The following ROS1 variants were observed in gnomAD, a reference collection of about 807,000 sequenced individuals.
ROS1 encodes proto-oncogene tyrosine-protein kinase ROS.
Under a neutral mutation model 273.5 loss-of-function variants are expected in ROS1, and 263 were observed. That is an observed-to-expected ratio of 0.96 (90% CI 0.87 to 1.06). The LOEUF is 1.06. Ranked by LOEUF, ROS1 falls within the 50% of genes least tolerant of loss-of-function variation. ROS1 has a pLI of 0.00. For synonymous variants in ROS1, 1,008 were observed against 954.1 expected, an observed-to-expected ratio of 1.06 and a Z score of -1.04; for missense variants, 2,833 against 2,751.1, an observed-to-expected ratio of 1.03 and a Z score of -0.67.
At position 117,420,047 on chromosome 6, in the gene ROS1, CT is replaced by C. The variant is rs1346400374; in HGVS notation, c.124-1542del. ...CAGGCACTCTTATAGGTGTTTTACACTAAATCTCATTGAATCATCTCAGCAA... is the reference window on the plus strand; with the variant it reads ...CAGGCACTCTTATAGGTGTTTTACACAAATCTCATTGAATCATCTCAGCAA... On this transcript the variant is annotated intron_variant, in intron 1 of 43. Coordinates refer to ENST00000368507, the MANE Select transcript of ROS1 (RefSeq NM_001378902.1). 9.9e-5 allele frequency among the ~76,000 whole-genome samples: 15 copies of C among 152,168 alleles called. No individual in the cohort carries two copies. The East Asian group carries it at 2.9e-3, about 29-fold the overall frequency.
chr6:117,306,994 T>C lies in ROS1; in HGVS notation c.6551+1800A>G, dbSNP rs73768038. ...TGGAAAATTTTCATTTCAAATAAAC[T>C]ATATTTTTATTAAAACAATGGCAAT... On this transcript the variant is annotated intron_variant, in intron 42 of 43. Transcript: ENST00000368507. Among the ~76,000 whole-genome samples the C allele has an allele frequency of 4.2e-3, 640 of 152,292 alleles. 3 individuals carry two copies. The highest frequency in any genetic ancestry group is 0.015 in the African/African-American group (613 of 41,566).
At chr6:117,408,647 T>A (rs1212692211) in intron 5 of ROS1, among the ~76,000 whole-genome samples, 5 of 152,162 alleles carry the variant, frequency 3.3e-5, no homozygotes, top group Non-Finnish European at 7.4e-5. Context: ...ATTGTGGAAG[T>A]CAGTGTGGCG....
intron 40 of ROS1, 116 bp from the exon 41 acceptor site, chr6:117,310,397 T>G: frequency 1.4e-6 from 1 of 693,858 alleles, no homozygotes; most frequent in Non-Finnish European, 2.3e-6. Context: ...TTTTTTTTAC[T>G]TTAAGTTCTG....
In ROS1 at chr6:117,359,995, A is replaced by G. The variant is rs765464115; in HGVS notation, c.3447T>C (p.Pro1149=). The change falls in exon 24 of 44, where the codon CCT becomes CCC. Residue 1149 remains proline (P), a synonymous_variant. Coordinates refer to ENST00000368507, the MANE Select transcript of ROS1 (RefSeq NM_001378902.1). Reference sequence around the variant, plus strand: ...TGTTACCAAGAAGAGTTATGAGGTGAGGAAATGGGTTGATTTCTGAAAGCA... The same window carrying G: ...TGTTACCAAGAAGAGTTATGAGGTGGGGAAATGGGTTGATTTCTGAAAGCA... ...KSTTSEINPF[P]HLITLLGNKI... The G allele has an allele frequency of 2.5e-6, 4 of 1,613,416 alleles. No individual in the cohort carries two copies. In the East Asian group the frequency reaches 8.9e-5, roughly 36 times the overall value.
At position 117,341,158 on chromosome 6, in the gene ROS1, T is replaced by C; in HGVS notation, c.5038A>G (p.Arg1680Gly). The C allele has an allele frequency of 6.2e-7, 1 of 1,610,348 alleles. No individual in the cohort carries two copies. ...ACCTTCTGTAGCTCAACCCAAAATC[T>C]GATGAGGTTAACATTCAATGGAGCC... is the stretch of plus-strand genomic sequence containing the variant. ...WKAPLNVNLI[R>G]FWVELQKWKY... The change falls in exon 31 of 44, where the codon AGA (arginine) becomes GGA (glycine). Residue 1680 changes from arginine to glycine, a missense_variant. Arg to Gly is a moderately radical substitution (Grantham distance 125). Coordinates refer to ENST00000368507, the MANE Select transcript of ROS1 (RefSeq NM_001378902.1).
At chr6:117,382,003 T>C (rs1772194420) in intron 17 of ROS1, among the ~76,000 whole-genome samples, 1 of 152,140 alleles carries the variant, frequency 6.6e-6, no homozygotes, top group South Asian at 2.1e-4. Flanking sequence ...GTGAGAGTAC[T>C]CAAACAACCA....
At chr6:117,417,755 G>A (rs1057196246) in intron 2 of ROS1, among the ~76,000 whole-genome samples, 35 of 152,104 alleles carry the variant, frequency 2.3e-4, no homozygotes, top group African/African-American at 8.2e-4. Context: ...TTTGTGTCTT[G>A]ACAAAAAGGG....
At chr6:117,324,516 A>C in intron 34 of ROS1, 101 bp from the exon 35 acceptor site, 1 of 596,744 alleles carries the variant, frequency 1.7e-6, no homozygotes, top group Non-Finnish European at 2.9e-6. Flanking sequence ...GCTAGCTACT[A>C]CTGGATTTTT....
In ROS1 at chr6:117,335,607, C is replaced by T. The variant is rs535652221; in HGVS notation, c.5230+1565G>A. Among the ~76,000 whole-genome samples, 6 of 152,174 alleles carry T rather than the reference C, an allele frequency of 3.9e-5. No individual in the cohort carries two copies. The South Asian group carries it at 1.2e-3, about 32-fold the overall frequency. ...ACCAAGCCAATCCATCAATGACAAA[C>T]CAGATAAAGAAAATGTGGTACATAT... is the stretch of plus-strand genomic sequence containing the variant. On this transcript the variant is annotated intron_variant, in intron 32 of 43. Transcript: ENST00000368507.
At chr6:117,422,149 A>G (rs1264323360) in intron 1 of ROS1, among the ~76,000 whole-genome samples, 1 of 152,100 alleles carries the variant, frequency 6.6e-6, no homozygotes, top group Non-Finnish European at 1.5e-5. Context: ...AGCTGGGACT[A>G]CAGGTGCATG....
At chr6:117,395,063 C>T (rs1417704825) in intron 9 of ROS1, among the ~76,000 whole-genome samples, 3 of 152,212 alleles carry the variant, frequency 2.0e-5, no homozygotes, top group South Asian at 2.1e-4. Context: ...AGAATTGGCT[C>T]GGTGGAGGTG....
chr6:117,355,693 T>G (rs1779251689), intron 26 of ROS1, among the ~76,000 whole-genome samples: 1 of 151,822 alleles, frequency 6.6e-6, no homozygotes, highest in East Asian at 1.9e-4. Flanking sequence ...CACTGCAACC[T>G]CCACCTCCTG....
chr6:117,393,867 C>T (rs1309769329), intron 11 of ROS1, among the ~76,000 whole-genome samples: 1 of 152,128 alleles, frequency 6.6e-6, no homozygotes, highest in Non-Finnish European at 1.5e-5. Flanking sequence ...TCTTACCTAA[C>T]AATAAGACAG....
chr6:117,329,532 G>A (rs2128593936), intron 32 of ROS1, 86 bp from the exon 33 acceptor site: 1 of 700,130 alleles, frequency 1.4e-6, no homozygotes, highest in Non-Finnish European at 2.5e-6. Flanking sequence ...TATATTAAGA[G>A]GAAAGACAAC....
chr6:117,385,764 G>A lies in ROS1; in HGVS notation c.2208C>T (p.His736=), dbSNP rs754731646. The stretch of plus-strand genomic sequence containing the variant: ...CCCCTGCTCCTGCAATGCTGGGTAG[G>A]TGATAATTCTCTGAGATATCCGTCC... ...LNGTDISENY[H]LPSIAGAGAL... is the part of the protein sequence containing the mutation. Residue 736 remains histidine (H), a synonymous_variant, in exon 16 of 44, where the codon CAC becomes CAT. Coordinates refer to ENST00000368507, the MANE Select transcript of ROS1 (RefSeq NM_001378902.1). 44 of 1,614,046 alleles carry A rather than the reference G, an allele frequency of 2.7e-5. No individual in the cohort carries two copies. The African/African-American group carries it at 5.1e-4, about 19-fold the overall frequency.
chr6:117,406,501 C>T (rs919049214), intron 5 of ROS1, among the ~76,000 whole-genome samples: 2 of 152,020 alleles, frequency 1.3e-5, no homozygotes, highest in Non-Finnish European at 2.9e-5. Context: ...AGACATTGAT[C>T]CATAGCCAAT....
At chr6:117,368,715 T>C (rs1780479230) in intron 18 of ROS1, among the ~76,000 whole-genome samples, 1 of 152,174 alleles carries the variant, frequency 6.6e-6, no homozygotes, top group Admixed American at 6.5e-5. Flanking sequence ...TATTTTTGAG[T>C]ATTTTAGAAC....
intron 23 of ROS1, 69 bp downstream of exon 23, chr6:117,360,273 G>GACACACAC (rs36181502): frequency 0.16 from 123,392 of 756,168 alleles, 4,460 homozygotes; most frequent in African/African-American, 0.24. Flanking sequence ...ACACCAATGG[G>GACACACAC]ACACACACAC....
At chr6:117,367,569 C>T (rs1471381112) in intron 18 of ROS1, among the ~76,000 whole-genome samples, 1 of 152,136 alleles carries the variant, frequency 6.6e-6, no homozygotes, top group Non-Finnish European at 1.5e-5. Context: ...GCCTGCATGC[C>T]CACATGACTA....
Sources: allele counts gnomAD v4.1 joint callset (sites outside exome capture counted in the v4.1 genomes callset), GRCh38; gene constraint gnomAD v4.1.1; transcripts MANE v1.5; gene names NCBI Gene and HGNC (gene_info 2026-07-23, HGNC 2026-07-21).